ST3GAL3: variants seen among roughly 807,000 people sequenced by gnomAD.
The protein encoded by ST3GAL3 is CMP-N-acetylneuraminate-beta-1,4-galactoside alpha-2,3-sialyltransferase.
ST3GAL3 carries 21 observed loss-of-function variants against 50.1 expected under a neutral mutation model. The ratio of observed to expected loss-of-function variants is 0.42; its 90% CI spans 0.30 to 0.60. ST3GAL3 has a LOEUF of 0.60. Ranked by LOEUF, ST3GAL3 falls within the 20% of genes least tolerant of loss-of-function variation. ST3GAL3 has a pLI of 0.19. For missense variants in ST3GAL3, 353 were observed against 489.4 expected, an observed-to-expected ratio of 0.72 and a Z score of 2.63; for synonymous variants, 183 against 190.0, an observed-to-expected ratio of 0.96 and a Z score of 0.30.
rs1277185062 is a variant in ST3GAL3, at chr1:43,708,495, A to G, written c.-31+802A>G. Among the ~76,000 whole-genome samples, 5 of 152,320 alleles carry G rather than the reference A, an allele frequency of 3.3e-5. No homozygotes were observed. In the South Asian group the frequency reaches 1.0e-3, roughly 32 times the overall value. On this transcript the variant is annotated intron_variant, in intron 1 of 11. Transcript: ENST00000347631. The stretch of plus-strand genomic sequence containing the variant: ...ATAGCTGGACATTAAGGTAGGAAAA[A>G]ACTCTTATTAGGTTACTAAAAGTAA...
At chr1:43,816,216 C>T (rs940349355) in intron 4 of ST3GAL3, among the ~76,000 whole-genome samples, 2 of 152,190 alleles carry the variant, frequency 1.3e-5, no homozygotes, top group African/African-American at 4.8e-5. Context: ...ACTCTGATGA[C>T]GATGGCCACA....
chr1:43,870,955 C>T (rs72888738), intron 5 of ST3GAL3, among the ~76,000 whole-genome samples: 5,017 of 152,206 alleles, frequency 0.033, 314 homozygotes, highest in African/African-American at 0.12. Context: ...GCTTAGTCCT[C>T]CCAGTACCGA....
chr1:43,908,218 T>A lies in ST3GAL3; in HGVS notation c.744+8491T>A, dbSNP rs2080149878. 2.0e-5 allele frequency among the ~76,000 whole-genome samples: 3 copies of A among 152,210 alleles called. 1 individual carries two copies. In the South Asian group the frequency reaches 6.2e-4, roughly 31 times the overall value. ...TTCTCCCTTCTAAATCTGTCTGGCT[T>A]GGATTATTTCAGCAGCTTTCTGTCT... On this transcript the variant is annotated intron_variant, in intron 9 of 11. Coordinates refer to ENST00000347631, the MANE Select transcript of ST3GAL3 (RefSeq NM_006279.5).
chr1:43,765,888 C>T (rs746013223), intron 2 of ST3GAL3, among the ~76,000 whole-genome samples: 10 of 151,302 alleles, frequency 6.6e-5, no homozygotes, highest in Non-Finnish European at 1.5e-4. Context: ...TAAAAACAAG[C>T]TCCTCTTTCC....
At chr1:43,759,811 T>G (rs1689616233) in intron 2 of ST3GAL3, among the ~76,000 whole-genome samples, 1 of 152,212 alleles carries the variant, frequency 6.6e-6, no homozygotes, top group South Asian at 2.1e-4. Flanking sequence ...CTTAAAAATG[T>G]TATTGACGAA....
At chr1:43,875,702 G>C (rs1479560775) in intron 5 of ST3GAL3, among the ~76,000 whole-genome samples, 1 of 151,966 alleles carries the variant, frequency 6.6e-6, no homozygotes, top group Non-Finnish European at 1.5e-5. Flanking sequence ...TGTGTTTCCT[G>C]AGGCCTCCCC....
At chr1:43,757,249 C>G (rs903783063) in intron 2 of ST3GAL3, among the ~76,000 whole-genome samples, 2 of 152,110 alleles carry the variant, frequency 1.3e-5, no homozygotes, top group African/African-American at 4.8e-5. Context: ...ATCAAAATCC[C>G]AGAAGGCTTG....
At chr1:43,871,276 C>T (rs926994973) in intron 5 of ST3GAL3, among the ~76,000 whole-genome samples, 10 of 152,136 alleles carry the variant, frequency 6.6e-5, no homozygotes, top group East Asian at 1.9e-4. Flanking sequence ...ACTGTAACAA[C>T]GAGGGGACCA....
intron 4 of ST3GAL3, among the ~76,000 whole-genome samples, chr1:43,826,726 A>G (rs61408174): frequency 0.051 from 7,746 of 152,294 alleles, 644 homozygotes; most frequent in African/African-American, 0.18. Flanking sequence ...TCAGCAATGT[A>G]TAAAAAGAAT....
At chr1:43,903,020 G>T (rs1171796567) in intron 9 of ST3GAL3, among the ~76,000 whole-genome samples, 1 of 152,228 alleles carries the variant, frequency 6.6e-6, no homozygotes, top group African/African-American at 2.4e-5. Flanking sequence ...ACAAAAGAAG[G>T]CCTCTTGGAG....
intron 2 of ST3GAL3, among the ~76,000 whole-genome samples, chr1:43,760,920 A>AGC (rs1690077712): frequency 6.6e-6 from 1 of 152,254 alleles, no homozygotes; most frequent in Admixed American, 6.5e-5. Context: ...ATAATGCTAC[A>AGC]ATATGGATGA....
At chr1:43,724,100 T>C (rs116447750) in intron 1 of ST3GAL3, among the ~76,000 whole-genome samples, 2 of 150,580 alleles carry the variant, frequency 1.3e-5, no homozygotes, top group African/African-American at 5.0e-5. Context: ...TATGTATGCA[T>C]ATATATATAT....
chr1:43,711,837 C>T (rs1239551771), intron 1 of ST3GAL3, among the ~76,000 whole-genome samples: 2 of 152,176 alleles, frequency 1.3e-5, no homozygotes, highest in East Asian at 1.9e-4. Context: ...AAATTATATT[C>T]AGGGTATTCA....
intron 1 of ST3GAL3, among the ~76,000 whole-genome samples, chr1:43,724,077 T>C (rs1671789820): frequency 6.6e-6 from 1 of 152,182 alleles, no homozygotes; most frequent in Non-Finnish European, 1.5e-5. Flanking sequence ...AATTGTTGTG[T>C]GTATATGTAA....
intron 2 of ST3GAL3, among the ~76,000 whole-genome samples, chr1:43,747,609 C>G (rs1210722403): frequency 1.4e-5 from 2 of 140,824 alleles, no homozygotes; most frequent in African/African-American, 5.4e-5. Flanking sequence ...CTCTGTTGCC[C>G]AGGCTGGAGT....
At chr1:43,801,612 G>A (rs1182413073) in intron 3 of ST3GAL3, 3 of 249,898 alleles carry the variant, frequency 1.2e-5, no homozygotes, top group African/African-American at 6.7e-5. Context: ...TCTACATAGG[G>A]CATTGTGAAA....
intron 2 of ST3GAL3, among the ~76,000 whole-genome samples, chr1:43,788,389 C>T (rs1033116994): frequency 1.3e-5 from 2 of 152,216 alleles, no homozygotes; most frequent in Non-Finnish European, 2.9e-5. Flanking sequence ...GTCAGCTCCT[C>T]AGAATTCCAT....
intron 5 of ST3GAL3, among the ~76,000 whole-genome samples, chr1:43,866,635 G>T (rs1433226983): frequency 6.6e-6 from 1 of 151,876 alleles, no homozygotes; most frequent in Non-Finnish European, 1.5e-5. Flanking sequence ...AAAATGACAG[G>T]GTAGGTCTTC....
chr1:43,823,782 G>A (rs907085114), intron 4 of ST3GAL3, among the ~76,000 whole-genome samples: 4 of 152,156 alleles, frequency 2.6e-5, no homozygotes, highest in Non-Finnish European at 5.9e-5. Flanking sequence ...ATAAATGGTG[G>A]ACAACTCTGT....
Sources: gnomAD v4.1 joint callset for allele counts (sites outside exome capture counted in the v4.1 genomes callset) on GRCh38, gnomAD v4.1.1 for gene constraint, MANE v1.5 for transcripts, NCBI Gene and HGNC (gene_info 2026-07-23, HGNC 2026-07-21) for gene names.